Variants in FAM3B observed in about 807,000 individuals in gnomAD.
FAM3B encodes protein FAM3B.
A neutral mutation model predicts 28.4 loss-of-function variants in FAM3B; 29 were observed. The observed-to-expected ratio is 1.02, with a 90% CI of 0.76 to 1.39. The LOEUF (loss-of-function observed/expected upper bound fraction) is 1.39, where lower values mean the gene tolerates loss of function less well. Among genes scored for constraint, FAM3B ranks in the 40% most tolerant of loss-of-function variants. FAM3B has a pLI of 0.00. For missense variants in FAM3B, 266 were observed against 293.9 expected, an observed-to-expected ratio of 0.91 and a Z score of 0.69; for synonymous variants, 91 against 103.0, an observed-to-expected ratio of 0.88 and a Z score of 0.71.
intron 2 of FAM3B, among the ~76,000 whole-genome samples, chr21:41,335,393 G>A (rs895271985): frequency 3.9e-5 from 6 of 152,188 alleles, no homozygotes; most frequent in Non-Finnish European, 4.4e-5. Flanking sequence ...TTTGGATCAC[G>A]GGAGTGGATT....
chr21:41,314,061 T>C (rs1184571577), upstream of FAM3B, among the ~76,000 whole-genome samples: 1 of 152,136 alleles, frequency 6.6e-6, no homozygotes, highest in Non-Finnish European at 1.5e-5. Flanking sequence ...TAGATGGCTT[T>C]GGGGTGGTTG....
intron 1 of FAM3B, among the ~76,000 whole-genome samples, chr21:41,305,837 G>A (rs957784073): frequency 1.7e-4 from 26 of 152,192 alleles, no homozygotes; most frequent in Admixed American, 3.9e-4. Context: ...GAAGATTAGA[G>A]CGGCTGTGGC....
intron 1 of FAM3B, among the ~76,000 whole-genome samples, chr21:41,310,380 C>T (rs1439908112): frequency 6.6e-6 from 1 of 152,218 alleles, no homozygotes; most frequent in Admixed American, 6.5e-5. Flanking sequence ...CCATCTGCAG[C>T]TCAGTCCTCC....
At chr21:41,347,515 G>A (rs986678970) in intron 6 of FAM3B, among the ~76,000 whole-genome samples, 2 of 152,144 alleles carry the variant, frequency 1.3e-5, no homozygotes, top group African/African-American at 4.8e-5. Context: ...TAGCACTTGG[G>A]AGACCGAGGC....
chr21:41,343,555 G>C (rs2089026272), intron 3 of FAM3B, among the ~76,000 whole-genome samples: 1 of 152,088 alleles, frequency 6.6e-6, no homozygotes, highest in South Asian at 2.1e-4. Flanking sequence ...TTTAGGTAAA[G>C]GTGTCAAAAC....
At chr21:41,349,410 G>T (rs1048892224) in intron 7 of FAM3B, among the ~76,000 whole-genome samples, 1 of 152,188 alleles carries the variant, frequency 6.6e-6, no homozygotes, top group Non-Finnish European at 1.5e-5. Flanking sequence ...AGTAACCGGT[G>T]CAGAAGAGGA....
chr21:41,333,139 T>A (rs1441723578), intron 2 of FAM3B, among the ~76,000 whole-genome samples: 1 of 151,948 alleles, frequency 6.6e-6, no homozygotes, highest in East Asian at 1.9e-4. Context: ...TGGTTTTTTT[T>A]TTTTTGTCTC....
intron 3 of FAM3B, 144 bp from the exon 4 acceptor site, chr21:41,344,332 G>C (rs2089036622): frequency 1.5e-6 from 1 of 687,942 alleles, no homozygotes; most frequent in African/African-American, 1.8e-5. Context: ...GGCGGTCTCG[G>C]GAGCTGCACC....
intron 2 of FAM3B, among the ~76,000 whole-genome samples, chr21:41,323,605 A>G (rs1413724498): frequency 6.6e-6 from 1 of 152,198 alleles, no homozygotes; most frequent in African/African-American, 2.4e-5. Context: ...GTTTTCTGAG[A>G]GCCTGCTGTG....
chr21:41,354,846 A>T (rs2089152350), intron 7 of FAM3B, among the ~76,000 whole-genome samples: 2 of 151,706 alleles, frequency 1.3e-5, no homozygotes, highest in Non-Finnish European at 2.9e-5. Context: ...CTTAAAAGTT[A>T]AAAAAAAACT....
At position 41,327,113 on chromosome 21, in the gene FAM3B, A is replaced by C. The variant is rs900986113; in HGVS notation, c.163+4047A>C. 5.9e-5 allele frequency among the ~76,000 whole-genome samples: 9 copies of C among 152,332 alleles called. 1 individual carries two copies. The highest frequency in any genetic ancestry group is 1.9e-4 in the East Asian group (1 of 5,190). On this transcript the variant is annotated intron_variant, in intron 2 of 7. Coordinates refer to ENST00000357985, the MANE Select transcript of FAM3B (RefSeq NM_058186.4). ...CAGGGTGCTCTTAAAAGAAATATTT[A>C]ATGCATCTGAAATAAACTTTACCTG...
chr21:41,327,687 G>A (rs182447797), intron 2 of FAM3B, among the ~76,000 whole-genome samples: 3 of 152,268 alleles, frequency 2.0e-5, no homozygotes, highest in Non-Finnish European at 4.4e-5. Context: ...TCTTTGCCTC[G>A]TTTGTGGAGT....
chr21:41,339,370 G>A (rs2088983897), intron 3 of FAM3B, among the ~76,000 whole-genome samples: 1 of 152,008 alleles, frequency 6.6e-6, no homozygotes, highest in Admixed American at 6.6e-5. Flanking sequence ...TCTTTGTTCA[G>A]ACTGAAATCA....
At chr21:41,336,107 G>T (rs1046673776) in intron 2 of FAM3B, among the ~76,000 whole-genome samples, 1 of 152,130 alleles carries the variant, frequency 6.6e-6, no homozygotes, top group African/African-American at 2.4e-5. Flanking sequence ...ATTGAAGGAG[G>T]CATGTTTGCC....
chr21:41,305,940 C>T (rs1250741047), intron 1 of FAM3B, among the ~76,000 whole-genome samples: 2 of 152,218 alleles, frequency 1.3e-5, no homozygotes, highest in African/African-American at 4.8e-5. Context: ...GTATTTGACC[C>T]ATAGTGTAAA....
intron 1 of FAM3B, among the ~76,000 whole-genome samples, chr21:41,306,583 G>A (rs1231431890): frequency 6.6e-6 from 1 of 152,204 alleles, no homozygotes; most frequent in Non-Finnish European, 1.5e-5. Context: ...TGGGTGACCA[G>A]GTGATTGTAT....
Position 41,344,609 on chromosome 21 carries a change from C to T in FAM3B, c.346+75C>T, listed in dbSNP as rs188638494. 41 of 1,277,046 alleles carry T rather than the reference C, an allele frequency of 3.2e-5. No homozygotes were observed. The Admixed American group carries it at 3.7e-4, about 12-fold the overall frequency. The allele number at this position is 1,277,046 out of a possible 1,614,324, so 79.1% of individuals were successfully genotyped here. A position where few individuals can be genotyped will look rare whatever the true frequency, so the allele number is the denominator to read the frequency against. ...GATTTTCAAAGGTACCTTGGGTTTTCGAGACTTTTGCGCGTGATTTAGTCT... is the reference window on the plus strand; with the variant it reads ...GATTTTCAAAGGTACCTTGGGTTTTTGAGACTTTTGCGCGTGATTTAGTCT... On this transcript the variant is annotated intron_variant, in intron 4 of 7. Transcript: ENST00000357985.
At chr21:41,314,975 A>G (rs1469865561), upstream of FAM3B, among the ~76,000 whole-genome samples, 2 of 152,184 alleles carry the variant, frequency 1.3e-5, no homozygotes, top group South Asian at 4.1e-4. Flanking sequence ...CAGAAGAGAT[A>G]TTTGCACACC....
chr21:41,345,560 C>G, intron 4 of FAM3B, 126 bp from the exon 5 acceptor site: 1 of 587,352 alleles, frequency 1.7e-6, no homozygotes, highest in Non-Finnish European at 3.0e-6. Flanking sequence ...CAGGCTGGGT[C>G]ATTACATCAG....
Sources: gnomAD v4.1 joint callset for allele counts (sites outside exome capture counted in the v4.1 genomes callset) on GRCh38, gnomAD v4.1.1 for gene constraint, MANE v1.5 for transcripts, NCBI Gene and HGNC (gene_info 2026-07-23, HGNC 2026-07-21) for gene names.